CEP170: variants seen among roughly 807,000 people sequenced by gnomAD.
CEP170 encodes centrosomal protein of 170 kDa.
CEP170 carries 21 observed loss-of-function variants against 151.9 expected under a neutral mutation model. The observed-to-expected ratio is 0.14, with a 90% CI of 0.10 to 0.20. CEP170 has a LOEUF of 0.20. Among genes scored for constraint, CEP170 ranks in the 10% least tolerant of loss-of-function variants. The pLI, the probability that CEP170 is intolerant of heterozygous loss-of-function variation, is 1.00. For missense variants in CEP170, 964 were observed against 1,892.9 expected (o/e 0.51, Z 9.11); for synonymous variants, 356 against 648.8 (o/e 0.55, Z 6.86).
intron 4 of CEP170, among the ~76,000 whole-genome samples, chr1:243,206,535 G>A (rs1207420029): frequency 6.6e-6 from 1 of 152,210 alleles, no homozygotes; most frequent in East Asian, 1.9e-4. Flanking sequence ...GTTGAAGGAA[G>A]TCCATCAGGT....
At chr1:243,202,520 T>C (rs556401679) in intron 4 of CEP170, among the ~76,000 whole-genome samples, 67 of 152,100 alleles carry the variant, frequency 4.4e-4, no homozygotes, top group African/African-American at 1.6e-3. Context: ...ATTTAATAAG[T>C]ATACATACAT....
intron 14 of CEP170, among the ~76,000 whole-genome samples, chr1:243,145,975 G>C (rs1251043440): frequency 1.3e-5 from 2 of 152,118 alleles, no homozygotes; most frequent in Admixed American, 6.5e-5. Context: ...TAAGAGGAAA[G>C]AGGGGATATC....
At chr1:243,183,477 G>A (rs10926959) in intron 10 of CEP170, among the ~76,000 whole-genome samples, 14,841 of 152,004 alleles carry the variant, frequency 0.098, 954 homozygotes, top group Non-Finnish European at 0.13. Flanking sequence ...CTTCCTTCTG[G>A]CTGTTGTTGG....
intron 3 of CEP170, among the ~76,000 whole-genome samples, chr1:243,212,432 C>G (rs2061891886): frequency 6.6e-6 from 1 of 152,060 alleles, no homozygotes; most frequent in South Asian, 2.1e-4. Context: ...TAGAATAAAA[C>G]TCAATTTATT....
intron 10 of CEP170, among the ~76,000 whole-genome samples, chr1:243,180,239 G>T (rs1017215159): frequency 1.2e-4 from 19 of 152,252 alleles, no homozygotes; most frequent in African/African-American, 4.3e-4. Flanking sequence ...AAAATAAATA[G>T]AATTTCATAC....
At chr1:243,217,359 A>T (rs1299493836) in intron 3 of CEP170, among the ~76,000 whole-genome samples, 1 of 152,224 alleles carries the variant, frequency 6.6e-6, no homozygotes, top group African/African-American at 2.4e-5. Flanking sequence ...AGCCAATTTT[A>T]TTTGAAACTT....
chr1:243,209,784 A>G (rs547711545), intron 4 of CEP170, among the ~76,000 whole-genome samples: 19 of 151,752 alleles, frequency 1.3e-4, no homozygotes, highest in African/African-American at 4.6e-4. Flanking sequence ...GGTTCACACC[A>G]TTCTCCTACT....
In CEP170 at chr1:243,164,772, T is replaced by C. The variant is rs1314627647; in HGVS notation, c.3188A>G (p.His1063Arg). The change falls in exon 13 of 20, where the codon CAT becomes CGT. Residue 1063 changes from histidine to arginine, a missense_variant. By Grantham distance (29) the His-to-Arg change is conservative. Coordinates refer to ENST00000366542, the MANE Select transcript of CEP170 (RefSeq NM_014812.3). ...GRTPLTSADE[H>R]VHSKLEGSKV... ...ACTTCCTTCCAGTTTGGAATGTACA[T>C]GCTCATCAGCTGAGGTAAGTGGAGT... 5.6e-6 allele frequency: 9 copies of C among 1,612,840 alleles called. No homozygotes were observed. In the Middle Eastern group the frequency reaches 5.0e-4, roughly 89 times the overall value.
chr1:243,186,112 A>G, intron 9 of CEP170, 40 bp from the exon 10 acceptor site: 1 of 1,613,440 alleles, frequency 6.2e-7, no homozygotes, highest in Non-Finnish European at 8.5e-7. Flanking sequence ...CTGCTGTTGG[A>G]GACTTTGCTT....
rs182452906 is a variant in CEP170, at chr1:243,237,741, T to G, written c.-41-12420A>C. Among the ~76,000 whole-genome samples the G allele has an allele frequency of 8.8e-3, 1,338 of 152,116 alleles. 21 individuals are homozygous for G. Among genetic ancestry groups the G allele is most frequent in the South Asian group, 0.031 (150 of 4,816 alleles). ...AATATGGTGAAACCCCCGTCTCTAC[T>G]AAAAATATAAAAAATTAGCTGGGCC... On this transcript the variant is annotated intron_variant, in intron 1 of 19. Transcript: ENST00000366542.
chr1:243,151,080 C>T (rs2057025664), intron 14 of CEP170, among the ~76,000 whole-genome samples: 1 of 152,200 alleles, frequency 6.6e-6, no homozygotes, highest in African/African-American at 2.4e-5. Context: ...CCATCTACTA[C>T]AATAGCTCCA....
intron 14 of CEP170, among the ~76,000 whole-genome samples, chr1:243,152,222 ATTT>A (rs376998252): frequency 7.4e-6 from 1 of 134,438 alleles, no homozygotes. Flanking sequence ...AGCCATTTTG[ATTT>A]TTTTTTTTTT....
chr1:243,137,798 G>T (rs202173601), intron 16 of CEP170, among the ~76,000 whole-genome samples: 1 of 143,908 alleles, frequency 6.9e-6, no homozygotes, highest in African/African-American at 2.6e-5. Flanking sequence ...AAAAAAAAAA[G>T]AATTCTAATG....
intron 1 of CEP170, among the ~76,000 whole-genome samples, chr1:243,241,812 A>G (rs1188188160): frequency 6.6e-6 from 1 of 151,180 alleles, no homozygotes; most frequent in Non-Finnish European, 1.5e-5. Context: ...AAAAAAGTAT[A>G]CATTTTCTAA....
chr1:243,155,754 C>T (rs1180977817), intron 14 of CEP170, among the ~76,000 whole-genome samples: 1 of 151,978 alleles, frequency 6.6e-6, no homozygotes, highest in Non-Finnish European at 1.5e-5. Flanking sequence ...GTTGAACTGC[C>T]CATACTTAAT....
At chr1:243,129,614 A>G (rs1478640534) in intron 17 of CEP170, among the ~76,000 whole-genome samples, 161 bp from the exon 18 acceptor site, 1 of 152,170 alleles carries the variant, frequency 6.6e-6, no homozygotes, top group East Asian at 1.9e-4. Flanking sequence ...AACAGTACCA[A>G]TTAATTCATG....
Position 243,128,232 on chromosome 1 carries a change from T to C in CEP170, c.4465+17A>G, listed in dbSNP as rs1285687337. 1.9e-6 allele frequency: 3 copies of C among 1,574,468 alleles called. No individual in the cohort carries two copies. Among genetic ancestry groups the C allele is most frequent in the Middle Eastern group, 1.7e-4 (1 of 5,968 alleles). ...TAAATTATTAGCTCTTTATACTTAA[T>C]TCAGTAGTAAATTTACCTTGCAGCT... On this transcript the variant is annotated intron_variant, in intron 19 of 19. Coordinates refer to ENST00000366542, the MANE Select transcript of CEP170 (RefSeq NM_014812.3).
At chr1:243,200,892 C>A (rs1220672219) in intron 4 of CEP170, 57 bp from the exon 5 acceptor site, 27 of 1,563,728 alleles carry the variant, frequency 1.7e-5, no homozygotes, top group Non-Finnish European at 2.3e-5. Context: ...AGCTAAAAAT[C>A]GTCATCAAAT....
rs2059166543 is a variant in CEP170, at chr1:243,175,497, CA to C, written c.1567-2652del. Among the ~76,000 whole-genome samples the C allele has an allele frequency of 2.0e-5, 3 of 152,276 alleles. No individual in the cohort carries two copies. In the South Asian group the frequency reaches 6.2e-4, roughly 32 times the overall value. On this transcript the variant is annotated intron_variant, in intron 10 of 19. Transcript: ENST00000366542. ...TTCTGCCTCTAAGTAGAAACACATC[CA>C]CCTGTGACAACTTTTATGTGAAAAC...
Sources: gnomAD v4.1 joint callset for allele counts (sites outside exome capture counted in the v4.1 genomes callset) on GRCh38, gnomAD v4.1.1 for gene constraint, MANE v1.5 for transcripts, NCBI Gene and HGNC (gene_info 2026-07-23, HGNC 2026-07-21) for gene names.